Variants in TMEM108 observed in about 807,000 individuals in gnomAD.
TMEM108 encodes the protein transmembrane protein 108, also known as cancer/testis antigen 124.
Under a neutral mutation model 35.1 loss-of-function variants are expected in TMEM108, and 12 were observed. The observed-to-expected ratio is 0.34, with a 90% CI of 0.22 to 0.55. The LOEUF (loss-of-function observed/expected upper bound fraction) is 0.55. Among genes scored for constraint, TMEM108 ranks in the 20% least tolerant of loss-of-function variants. The probability of loss-of-function intolerance (pLI) is 0.89; values close to 1 mark genes in which losing one functional copy is unlikely to be tolerated. For missense variants in TMEM108, 680 were observed against 753.3 expected, an observed-to-expected ratio of 0.90 and a Z score of 1.14; for synonymous variants, 287 against 308.6, an observed-to-expected ratio of 0.93 and a Z score of 0.73.
chr3:133,218,132 T>C (rs9968156), intron 2 of TMEM108, among the ~76,000 whole-genome samples: 118,463 of 151,900 alleles, frequency 0.78, 46,548 homozygotes, highest in East Asian at 0.95. Flanking sequence ...TCTTCCATCT[T>C]CTTGGTTCAA....
At chr3:133,154,280 G>A (rs7630330) in intron 2 of TMEM108, among the ~76,000 whole-genome samples, 80,770 of 150,998 alleles carry the variant, frequency 0.53, 22,249 homozygotes, top group African/African-American at 0.65. Context: ...CTGTGCAGAA[G>A]CTCTTTAGTT....
At chr3:133,161,134 A>G (rs1944955742) in intron 2 of TMEM108, among the ~76,000 whole-genome samples, 1 of 152,126 alleles carries the variant, frequency 6.6e-6, no homozygotes, top group African/African-American at 2.4e-5. Flanking sequence ...TCCCGCCTCT[A>G]CCTTGGGCAC....
intron 3 of TMEM108, among the ~76,000 whole-genome samples, chr3:133,273,995 T>C (rs886470927): frequency 4.6e-5 from 7 of 152,366 alleles, no homozygotes; most frequent in African/African-American, 1.7e-4. Flanking sequence ...ATGAAGAAAC[T>C]GTGGCTGAGA....
At chr3:133,134,583 CTT>C (rs967749687) in intron 2 of TMEM108, among the ~76,000 whole-genome samples, 1 of 151,758 alleles carries the variant, frequency 6.6e-6, no homozygotes, top group Non-Finnish European at 1.5e-5. Context: ...CTTGCTGTCT[CTT>C]GTTTTTTTTT....
Position 133,294,143 on chromosome 3 carries a change from A to G in TMEM108, c.40+64792A>G, listed in dbSNP as rs116140398. ...GCTTTTCTGGGTAATAAGCATTTAT[A>G]TTTTTCATCCTTATAAAAAATGCAC... is the stretch of plus-strand genomic sequence containing the variant. On this transcript the variant is annotated intron_variant, in intron 3 of 5. Coordinates refer to ENST00000321871, the MANE Select transcript of TMEM108 (RefSeq NM_023943.4). Among the ~76,000 whole-genome samples the G allele has an allele frequency of 6.1e-3, 934 of 152,290 alleles. 13 individuals carry two copies. The highest frequency in any genetic ancestry group is 0.021 in the African/African-American group (877 of 41,564).
At chr3:133,387,467 T>A in intron 4 of TMEM108, 1 of 985,490 alleles carries the variant, frequency 1.0e-6, no homozygotes, top group Non-Finnish European at 1.2e-6. Flanking sequence ...CTTTCTGTTC[T>A]GACTCCCAGG....
chr3:133,154,522 T>A (rs1226631165), intron 2 of TMEM108, among the ~76,000 whole-genome samples: 1 of 152,194 alleles, frequency 6.6e-6, no homozygotes, highest in Non-Finnish European at 1.5e-5. Flanking sequence ...CATGGAATAC[T>A]ATGCAGCCAT....
At chr3:133,376,753 A>C (rs1419596758) in intron 3 of TMEM108, among the ~76,000 whole-genome samples, 1 of 152,172 alleles carries the variant, frequency 6.6e-6, no homozygotes. Context: ...CACTAATCTC[A>C]GACCCCCACG....
chr3:133,096,772 A>G (rs1944020573), intron 2 of TMEM108, among the ~76,000 whole-genome samples: 1 of 152,236 alleles, frequency 6.6e-6, no homozygotes, highest in African/African-American at 2.4e-5. Context: ...TAGAAGACCA[A>G]GTATATCTAA....
At chr3:133,125,868 G>A (rs1027669446) in intron 2 of TMEM108, among the ~76,000 whole-genome samples, 1 of 152,168 alleles carries the variant, frequency 6.6e-6, no homozygotes, top group Admixed American at 6.5e-5. Flanking sequence ...AGACTAAAGG[G>A]ATGTGATATT....
At chr3:133,130,717 A>C (rs1397455864) in intron 2 of TMEM108, among the ~76,000 whole-genome samples, 1 of 152,186 alleles carries the variant, frequency 6.6e-6, no homozygotes, top group Non-Finnish European at 1.5e-5. Context: ...AGTTTCTCAC[A>C]ATCTTGCAGT....
chr3:133,231,073 T>C (rs945996094), intron 3 of TMEM108, among the ~76,000 whole-genome samples: 3 of 152,200 alleles, frequency 2.0e-5, no homozygotes, highest in Admixed American at 6.5e-5. Context: ...TATATGTCAC[T>C]GGTCAGCCAG....
intron 2 of TMEM108, among the ~76,000 whole-genome samples, chr3:133,197,383 G>C (rs745898408): frequency 9.2e-5 from 14 of 152,162 alleles, no homozygotes; most frequent in Non-Finnish European, 1.8e-4. Context: ...CAGTGGTAGA[G>C]TGAGGAAAAA....
intron 3 of TMEM108, among the ~76,000 whole-genome samples, chr3:133,292,936 T>C (rs1322861563): frequency 1.3e-5 from 2 of 152,164 alleles, no homozygotes; most frequent in Non-Finnish European, 2.9e-5. Context: ...ATCTATAAAG[T>C]TGGTATACTA....
chr3:133,305,021 T>G (rs1199365317), intron 3 of TMEM108, among the ~76,000 whole-genome samples: 1 of 152,024 alleles, frequency 6.6e-6, no homozygotes, highest in African/African-American at 2.4e-5. Flanking sequence ...AGGCAGAGAT[T>G]ACGGTAAGCC....
intron 2 of TMEM108, among the ~76,000 whole-genome samples, chr3:133,167,863 C>T (rs1236137960): frequency 6.6e-6 from 1 of 152,174 alleles, no homozygotes; most frequent in Non-Finnish European, 1.5e-5. Context: ...GGGCTGGGCT[C>T]CTCAAGTGTG....
intron 3 of TMEM108, among the ~76,000 whole-genome samples, chr3:133,288,746 TG>T (rs982251365): frequency 3.9e-5 from 6 of 152,204 alleles, no homozygotes; most frequent in Non-Finnish European, 8.8e-5. Flanking sequence ...TATAATAATT[TG>T]GGGGTTTTTT....
At chr3:133,161,706 A>G (rs1304718393) in intron 2 of TMEM108, among the ~76,000 whole-genome samples, 2 of 151,866 alleles carry the variant, frequency 1.3e-5, no homozygotes, top group Non-Finnish European at 2.9e-5. Flanking sequence ...CCCTCAAAAA[A>G]AAAAAAAGCC....
At chr3:133,268,900 G>C (rs943647041) in intron 3 of TMEM108, among the ~76,000 whole-genome samples, 2 of 152,234 alleles carry the variant, frequency 1.3e-5, no homozygotes, top group Non-Finnish European at 2.9e-5. Context: ...ACCTTTCCAA[G>C]CATTGTCTTT....
Sources: gnomAD v4.1 joint callset for allele counts (sites outside exome capture counted in the v4.1 genomes callset) on GRCh38, gnomAD v4.1.1 for gene constraint, MANE v1.5 for transcripts, NCBI Gene and HGNC (gene_info 2026-07-23, HGNC 2026-07-21) for gene names.